Variants in LRBA observed in about 807,000 individuals in gnomAD.
LRBA encodes LPS responsive beige-like anchor protein.
LRBA carries 176 observed loss-of-function variants against 330.0 expected under a neutral mutation model. The observed-to-expected ratio is 0.53, with a 90% CI of 0.47 to 0.60. The LOEUF (loss-of-function observed/expected upper bound fraction) is 0.60. Ranked by LOEUF, LRBA falls within the 20% of genes least tolerant of loss-of-function variation. The pLI is 0.00. For synonymous variants in LRBA, 1,230 were observed against 1,193.0 expected, an observed-to-expected ratio of 1.03 and a Z score of -0.64; for missense variants, 3,259 against 3,444.8, an observed-to-expected ratio of 0.95 and a Z score of 1.35.
intron 2 of LRBA, among the ~76,000 whole-genome samples, chr4:150,933,846 C>A (rs1480947758): frequency 6.6e-6 from 1 of 151,770 alleles, no homozygotes; most frequent in Non-Finnish European, 1.5e-5. Flanking sequence ...CATGGCGAGA[C>A]CCCATCTCTA....
At chr4:150,947,067 T>G (rs1384805519) in intron 2 of LRBA, among the ~76,000 whole-genome samples, 2 of 151,920 alleles carry the variant, frequency 1.3e-5, no homozygotes, top group Non-Finnish European at 2.9e-5. Flanking sequence ...TTAAGGAAAT[T>G]AAGTTCATAA....
intron 17 of LRBA, among the ~76,000 whole-genome samples, chr4:150,876,682 C>A (rs1039413355): frequency 3.3e-5 from 5 of 152,164 alleles, no homozygotes; most frequent in African/African-American, 1.2e-4. Context: ...TTGTTACCTA[C>A]AGACCAACCT....
intron 56 of LRBA, among the ~76,000 whole-genome samples, chr4:150,272,461 A>G (rs1746234722): frequency 6.6e-6 from 1 of 151,998 alleles, no homozygotes; most frequent in African/African-American, 2.4e-5. Flanking sequence ...AACAAAGCTG[A>G]ACAGTTTGAG....
chr4:150,551,934 T>C (rs1766649210), intron 40 of LRBA, among the ~76,000 whole-genome samples: 1 of 152,068 alleles, frequency 6.6e-6, no homozygotes, highest in South Asian at 2.1e-4. Context: ...TGGAAGACAA[T>C]TTTTCCACAG....
At chr4:150,919,848 C>T (rs913115586) in intron 5 of LRBA, among the ~76,000 whole-genome samples, 54 of 152,134 alleles carry the variant, frequency 3.5e-4, no homozygotes, top group African/African-American at 1.3e-3. Context: ...GCTCACCTGC[C>T]CTACTTTCAA....
chr4:150,868,675 C>T (rs1358089275), intron 20 of LRBA, among the ~76,000 whole-genome samples: 1 of 152,144 alleles, frequency 6.6e-6, no homozygotes, highest in Non-Finnish European at 1.5e-5. Flanking sequence ...AGGTGGCTCA[C>T]GCCTGTAATT....
intron 37 of LRBA, among the ~76,000 whole-genome samples, chr4:150,678,887 C>T (rs1782805978): frequency 6.6e-6 from 1 of 151,994 alleles, no homozygotes; most frequent in Non-Finnish European, 1.5e-5. Flanking sequence ...CTTGATTATC[C>T]ACATAGCGTA....
chr4:150,429,066 G>A (rs1750026399), intron 46 of LRBA, among the ~76,000 whole-genome samples: 1 of 152,036 alleles, frequency 6.6e-6, no homozygotes, highest in African/African-American at 2.4e-5. Flanking sequence ...GGAGCTAATG[G>A]TCAAGTGGGA....
At chr4:150,461,371 A>G (rs1754754185) in intron 44 of LRBA, among the ~76,000 whole-genome samples, 1 of 151,856 alleles carries the variant, frequency 6.6e-6, no homozygotes, top group Non-Finnish European at 1.5e-5. Flanking sequence ...AAACAAATTG[A>G]GCAGAAGATT....
chr4:151,014,136 G>A (rs900580382), intron 2 of LRBA: 1 of 256,406 alleles, frequency 3.9e-6, no homozygotes, highest in Admixed American at 5.1e-5. Context: ...AAAAAAATTA[G>A]AGATAACTCC....
chr4:150,372,951 T>C lies in LRBA; in HGVS notation c.7195-22792A>G, dbSNP rs189623704. Among the ~76,000 whole-genome samples the C allele has an allele frequency of 1.8e-3, 280 of 152,094 alleles. 1 individual carries two copies. Among genetic ancestry groups the C allele is most frequent in the African/African-American group, 6.4e-3 (266 of 41,498 alleles). Reference sequence around the variant, plus strand: ...CTCCTCTCTTTTGAATCATTTGATCTGAGAAATGCTCCATATGGTGAGGAT... The same window carrying C: ...CTCCTCTCTTTTGAATCATTTGATCCGAGAAATGCTCCATATGGTGAGGAT... On this transcript the variant is annotated intron_variant, in intron 47 of 56. Transcript: ENST00000651943.
At chr4:150,988,451 T>C (rs1382411308) in intron 2 of LRBA, among the ~76,000 whole-genome samples, 2 of 152,188 alleles carry the variant, frequency 1.3e-5, no homozygotes, top group Non-Finnish European at 1.5e-5. Context: ...ATAGAGGCCA[T>C]GATGTCATTA....
At chr4:150,863,435 G>A (rs1579030386) in intron 22 of LRBA, among the ~76,000 whole-genome samples, 2 of 152,116 alleles carry the variant, frequency 1.3e-5, no homozygotes, top group South Asian at 2.1e-4. Flanking sequence ...GCTGAGTCAG[G>A]CAGATCACCT....
intron 47 of LRBA, among the ~76,000 whole-genome samples, chr4:150,365,486 G>A (rs1314687133): frequency 6.6e-6 from 1 of 152,022 alleles, no homozygotes; most frequent in Non-Finnish European, 1.5e-5. Context: ...CATGACATTA[G>A]CAACTTATGA....
chr4:150,448,924 T>C (rs982185418), intron 44 of LRBA, among the ~76,000 whole-genome samples: 1 of 151,718 alleles, frequency 6.6e-6, no homozygotes, highest in African/African-American at 2.4e-5. Flanking sequence ...ACACGGGAGT[T>C]TGCATGCACT....
At chr4:150,962,115 G>A (rs1723789339) in intron 2 of LRBA, among the ~76,000 whole-genome samples, 1 of 149,152 alleles carries the variant, frequency 6.7e-6, no homozygotes, top group Non-Finnish European at 1.5e-5. Context: ...AAATCATGGA[G>A]GAATAATAAA....
In LRBA at chr4:150,849,579, T is replaced by C; in HGVS notation, c.4005-4A>G. On this transcript the variant is annotated splice_region_variant and splice_polypyrimidine_tract_variant and intron_variant, in intron 24 of 56. Transcript: ENST00000651943. ...CATAACTGTCTTTGTTGAATGGCTGTCCAAAGATAAATGATATTTACTGAT... is the reference window on the plus strand; with the variant it reads ...CATAACTGTCTTTGTTGAATGGCTGCCCAAAGATAAATGATATTTACTGAT... 6.2e-7 allele frequency: 1 copy of C among 1,608,740 alleles called. No individual in the cohort carries two copies.
intron 40 of LRBA, among the ~76,000 whole-genome samples, chr4:150,545,964 A>C (rs1301041126): frequency 6.6e-6 from 1 of 152,078 alleles, no homozygotes; most frequent in African/African-American, 2.4e-5. Flanking sequence ...TTTGGGCTAC[A>C]TGATTCTAAA....
intron 2 of LRBA, among the ~76,000 whole-genome samples, chr4:150,999,413 G>C (rs989561494): frequency 2.0e-5 from 3 of 151,828 alleles, no homozygotes; most frequent in African/African-American, 7.3e-5. Flanking sequence ...TTAGTCTTTG[G>C]CTGGGCTGCT....
Sources: allele counts gnomAD v4.1 joint callset (sites outside exome capture counted in the v4.1 genomes callset), GRCh38; gene constraint gnomAD v4.1.1; transcripts MANE v1.5; gene names NCBI Gene and HGNC (gene_info 2026-07-23, HGNC 2026-07-21).